The following DNAH2 variants were observed in gnomAD, a reference collection of about 807,000 sequenced individuals.
DNAH2 encodes the protein dynein axonemal heavy chain 2.
In DNAH2, 323 loss-of-function variants were observed where a neutral mutation model predicts 523.5. The ratio of observed to expected loss-of-function variants is 0.62; its 90% CI spans 0.56 to 0.68. DNAH2 has a LOEUF of 0.68. Ranked by LOEUF, DNAH2 falls within the 30% of genes least tolerant of loss-of-function variation. DNAH2 has a pLI of 0.00. For synonymous variants in DNAH2, 2,093 were observed against 2,177.4 expected (o/e 0.96, Z 1.08); for missense variants, 4,907 against 5,701.5 (o/e 0.86, Z 4.49).
intron 68 of DNAH2, 90 bp from the exon 69 acceptor site, chr17:7,818,222 C>A: frequency 6.3e-7 from 1 of 1,595,722 alleles, no homozygotes; most frequent in South Asian, 1.1e-5. Context: ...TTAGGACAGG[C>A]TGAGTCGCTG....
At chr17:7,755,666 G>GT (rs2075815387) in intron 12 of DNAH2, among the ~76,000 whole-genome samples, 4 of 152,224 alleles carry the variant, frequency 2.6e-5, no homozygotes, top group South Asian at 2.1e-4. Context: ...TTTCTCAGAC[G>GT]TGGAGCGGTT....
At chr17:7,813,679 G>A (rs914181466) in intron 63 of DNAH2, among the ~76,000 whole-genome samples, 5 of 152,084 alleles carry the variant, frequency 3.3e-5, no homozygotes, top group Admixed American at 6.5e-5. Context: ...AGGTTGACGC[G>A]GGTGGATGAC....
chr17:7,762,138 A>G (rs2076022291), intron 18 of DNAH2, among the ~76,000 whole-genome samples: 1 of 152,162 alleles, frequency 6.6e-6, no homozygotes, highest in Non-Finnish European at 1.5e-5. Context: ...TTGTGAAATG[A>G]TTAAAGATAC....
rs543815132 is a variant in DNAH2 at position 7,833,279 on chromosome 17, C to T, written c.13129+58C>T. The T allele has an allele frequency of 1.7e-5, 27 of 1,607,106 alleles. No individual in the cohort carries two copies. In the East Asian group the frequency reaches 2.5e-4, roughly 15 times the overall value. ...CCCGTCCCTAGTTTGGAACTTAACC[C>T]ATTCTCTGCTCCAGCCCATCCCACA... is the stretch of plus-strand genomic sequence containing the variant. On this transcript the variant is annotated intron_variant, in intron 85 of 85. Coordinates refer to ENST00000572933, the MANE Select transcript of DNAH2 (RefSeq NM_020877.5).
At position 7,797,388 on chromosome 17, in the gene DNAH2, C is replaced by G. The variant is rs1269072671; in HGVS notation, c.7950-12C>G. 1.2e-6 allele frequency: 2 copies of G among 1,614,130 alleles called. No homozygotes were observed. The highest frequency in any genetic ancestry group is 2.2e-5 in the East Asian group (1 of 44,880). ...TTTATTCCCCGATCTCACCCCAGTTCCCTGCCCACAGAGTCTTCTCTGACC... is the reference window on the plus strand; with the variant it reads ...TTTATTCCCCGATCTCACCCCAGTTGCCTGCCCACAGAGTCTTCTCTGACC... On this transcript the variant is annotated splice_polypyrimidine_tract_variant and intron_variant, in intron 51 of 85. Transcript: ENST00000572933.
intron 58 of DNAH2, among the ~76,000 whole-genome samples, chr17:7,802,829 ATT>A (rs34264918): frequency 1.6e-4 from 23 of 140,768 alleles, no homozygotes; most frequent in African/African-American, 5.0e-4. Context: ...ATGCCCAGCT[ATT>A]TTTTTTTTTT....
chr17:7,769,906 A>G lies in DNAH2; in HGVS notation c.3942-346A>G, dbSNP rs528536001. On this transcript the variant is annotated intron_variant, in intron 24 of 85. Transcript: ENST00000572933. ...CTAAGCCTCAGTTTTCTCATCTGTAAATGGAATAATAATAATTCCTAATTT... is the reference window on the plus strand; with the variant it reads ...CTAAGCCTCAGTTTTCTCATCTGTAGATGGAATAATAATAATTCCTAATTT... Among the ~76,000 whole-genome samples the G allele has an allele frequency of 4.6e-5, 7 of 152,308 alleles. No individual in the cohort carries two copies. In the South Asian group the frequency reaches 1.4e-3, roughly 32 times the overall value.
rs974039268 is a variant in DNAH2 at position 7,754,592 on chromosome 17, C to G, written c.1905-2499C>G. 6 of 1,499,920 alleles carry G rather than the reference C, an allele frequency of 4.0e-6. No individual in the cohort carries two copies. Among genetic ancestry groups the G allele is most frequent in the Non-Finnish European group, 5.5e-6 (6 of 1,092,300 alleles). The allele number at this position is 1,499,920 out of a possible 1,614,324, so 92.9% of individuals were successfully genotyped here. ...ATGCCAAGGCCATGAGTCCACGTGC[C>G]GAGGCTCTCAAGGCCCTCGTAAAGC... On this transcript the variant is annotated intron_variant, in intron 12 of 85. Transcript: ENST00000572933. The surrounding 1 kb of genome is among the most constrained non-coding windows in gnomAD (Gnocchi z 4.6).
In DNAH2 at chr17:7,776,025, C is replaced by T; in HGVS notation, c.4823C>T (p.Ser1608Phe). ...HSVFLEGPVE[S>F]WLGDVEQTMR... The stretch of plus-strand genomic sequence containing the variant: ...CCCTATTCTCCCACCTCCCCCCAGT[C>T]CTGGCTTGGCGATGTGGAACAGACC... The change falls in exon 31 of 86, where the codon TCC becomes TTC. Residue 1608 changes from serine (S) to phenylalanine (F), a missense_variant and splice_region_variant. Transcript: ENST00000572933. 6.2e-7 allele frequency: 1 copy of T among 1,613,832 alleles called. No homozygotes were observed. The highest frequency in any genetic ancestry group is 8.5e-7 in the Non-Finnish European group (1 of 1,179,754).
chr17:7,759,037 T>A lies in DNAH2; in HGVS notation c.2361T>A (p.Ala787=). ...AGGACCAAAGAGAGCATCGGGCAGC[T>A]GTACAGCAGAAATTGATGAACCTGC... ...FEEDQREHRA[A]VQQKLMNLHQ... The change falls in exon 15 of 86, where the codon GCT becomes GCA. Residue 787 remains alanine, a synonymous_variant. Transcript: ENST00000572933. 6.2e-7 allele frequency: 1 copy of A among 1,614,162 alleles called. No individual in the cohort carries two copies. The highest frequency in any genetic ancestry group is 8.5e-7 in the Non-Finnish European group (1 of 1,180,044).
Position 7,821,413 on chromosome 17 carries a change from T to C in DNAH2, c.11142+44T>C, listed in dbSNP as rs775482634. The stretch of plus-strand genomic sequence containing the variant: ...ACATCCCAGGATGGGATGGTCAAGG[T>C]TGGGGATGAGGGCAAGTGTGACAAG... On this transcript the variant is annotated intron_variant, in intron 73 of 85. Coordinates refer to ENST00000572933, the MANE Select transcript of DNAH2 (RefSeq NM_020877.5). The surrounding 1 kb of genome is among the most constrained non-coding windows in gnomAD (Gnocchi z 5.0). 10 of 1,592,328 alleles carry C rather than the reference T, an allele frequency of 6.3e-6. No individual in the cohort carries two copies. The highest frequency in any genetic ancestry group is 5.7e-5 in the South Asian group (5 of 88,128).
intron 12 of DNAH2, among the ~76,000 whole-genome samples, chr17:7,753,974 C>T (rs187273735): frequency 1.3e-4 from 19 of 151,840 alleles, no homozygotes; most frequent in South Asian, 2.1e-4. Flanking sequence ...AAAAACCTAC[C>T]GGCAGATCAA....
At chr17:7,742,208 T>C (rs1383189784) in intron 11 of DNAH2, among the ~76,000 whole-genome samples, 4 of 151,988 alleles carry the variant, frequency 2.6e-5, no homozygotes, top group Non-Finnish European at 1.5e-5. Context: ...GGTGGGTGGA[T>C]CATTTGAAGT....
In DNAH2 at chr17:7,817,604, A is replaced by G; in HGVS notation, c.10064A>G (p.Asp3355Gly). 1 of 1,614,130 alleles carries G rather than the reference A, an allele frequency of 6.2e-7. No individual in the cohort carries two copies. Among genetic ancestry groups the G allele is most frequent in the Non-Finnish European group, 8.5e-7 (1 of 1,180,020 alleles). Reference protein sequence around the residue: ...QVPCSPSFAIDNFLCNPTKVR... With the variant: ...QVPCSPSFAIGNFLCNPTKVR... The stretch of plus-strand genomic sequence containing the variant: ...CCTTGCTCCCCTTCTTTCGCCATCG[A>G]TAACTTCCTGTGCAATCCTACCAAA... Residue 3355 changes from aspartate to glycine, a missense_variant, in exon 66 of 86, where the codon GAT becomes GGT. Coordinates refer to ENST00000572933, the MANE Select transcript of DNAH2 (RefSeq NM_020877.5).
chr17:7,727,103 C>G lies in DNAH2; in HGVS notation c.229-19C>G. ...CCTGGCAGTTGTAGTTACTTTGGCC[C>G]TCTGCTCTCCTTCTGTAGAAGCCCC... On this transcript the variant is annotated intron_variant, in intron 3 of 85. Coordinates refer to ENST00000572933, the MANE Select transcript of DNAH2 (RefSeq NM_020877.5). The G allele has an allele frequency of 6.6e-7, 1 of 1,526,224 alleles. No individual in the cohort carries two copies. Among genetic ancestry groups the G allele is most frequent in the Non-Finnish European group, 8.7e-7 (1 of 1,144,362 alleles). The allele number at this position is 1,526,224 out of a possible 1,614,324, so 94.5% of individuals were successfully genotyped here. A position where few individuals can be genotyped will look rare whatever the true frequency, so the allele number is the denominator to read the frequency against.
At position 7,792,234 on chromosome 17, in the gene DNAH2, C is replaced by A; in HGVS notation, c.7054-18C>A. The A allele has an allele frequency of 1.2e-6, 2 of 1,612,104 alleles. No homozygotes were observed. The highest frequency in any genetic ancestry group is 2.2e-5 in the East Asian group (1 of 44,858). ...CTCAAGGAAGGCTTTGGTAACCTGA[C>A]CTACATGCCCTCCTTAGGACACGGT... On this transcript the variant is annotated intron_variant, in intron 45 of 85. Coordinates refer to ENST00000572933, the MANE Select transcript of DNAH2 (RefSeq NM_020877.5).
chr17:7,818,902 T>C lies in DNAH2; in HGVS notation c.10671-17T>C, dbSNP rs1239625693. 4.3e-6 allele frequency: 7 copies of C among 1,609,530 alleles called. No homozygotes were observed. Among genetic ancestry groups the C allele is most frequent in the Non-Finnish European group, 5.9e-6 (7 of 1,177,490 alleles). On this transcript the variant is annotated splice_polypyrimidine_tract_variant and intron_variant, in intron 70 of 85. Transcript: ENST00000572933. ...CCGCTAACCCCTTGCTCCATGTGCC[T>C]CTGGGCCTCCCCCTAGGCTGCTGAA...
chr17:7,794,892 C>T (rs529846529), intron 49 of DNAH2, among the ~76,000 whole-genome samples: 1 of 151,828 alleles, frequency 6.6e-6, no homozygotes, highest in South Asian at 2.1e-4. Context: ...GTAGCTGGGA[C>T]TACAGGCGCC....
chr17:7,764,445 C>A (rs2151205489), intron 20 of DNAH2, among the ~76,000 whole-genome samples, 172 bp downstream of exon 20: 1 of 151,598 alleles, frequency 6.6e-6, no homozygotes, highest in Admixed American at 6.6e-5. Flanking sequence ...GATTTCTTTT[C>A]TTTTCCTCTT....
Sources: gnomAD v4.1 joint callset for allele counts (sites outside exome capture counted in the v4.1 genomes callset) on GRCh38, gnomAD v4.1.1 for gene constraint, Gnocchi (gnomAD v3.1) non-coding constraint, MANE v1.5 for transcripts, NCBI Gene and HGNC (gene_info 2026-07-23, HGNC 2026-07-21) for gene names.